The following ONECUT3 variants were observed in gnomAD, a reference collection of about 807,000 sequenced individuals.
ONECUT3 encodes one cut homeobox 3.
ONECUT3 carries 11 observed loss-of-function variants against 16.8 expected under a neutral mutation model. The ratio of observed to expected loss-of-function variants is 0.66; its 90% CI spans 0.41 to 1.09. The LOEUF (loss-of-function observed/expected upper bound fraction) is 1.09. Ranked by LOEUF, ONECUT3 falls within the 50% of genes least tolerant of loss-of-function variation. The pLI, the probability that ONECUT3 is intolerant of heterozygous loss-of-function variation, is 0.00. For synonymous variants in ONECUT3, 344 were observed against 310.7 expected, an observed-to-expected ratio of 1.11 and a Z score of -1.13; for missense variants, 637 against 629.9, an observed-to-expected ratio of 1.01 and a Z score of -0.12.
At chr19:1,771,307 C>G (rs937148124) in intron 1 of ONECUT3, among the ~76,000 whole-genome samples, 1 of 152,160 alleles carries the variant, frequency 6.6e-6, no homozygotes, top group African/African-American at 2.4e-5. Context: ...GAATCCCACA[C>G]CATCCTTTTT....
chr19:1,756,657 A>T (rs1021874304), intron 1 of ONECUT3, among the ~76,000 whole-genome samples: 2 of 149,874 alleles, frequency 1.3e-5, no homozygotes, highest in Non-Finnish European at 3.0e-5. Context: ...AGCCTCCTGA[A>T]TAGCTGGGAT....
At position 1,754,577 on chromosome 19, in the gene ONECUT3, C is replaced by G. The variant is rs1165993728; in HGVS notation, c.915C>G (p.Pro305=). ...AHGPHGGGGG[P]GGSGGGPSAG... ...GGCCGCACGGGGGAGGCGGCGGCCC[C>G]GGCGGGAGCGGCGGCGGCCCCAGCG... The change falls in exon 1 of 2, where the codon CCC becomes CCG. Residue 305 remains proline (P), a synonymous_variant. Coordinates refer to ENST00000382349, the MANE Select transcript of ONECUT3 (RefSeq NM_001080488.2). This position sits in a 1 kb window ranked among gnomAD's most constrained non-coding sequence, Gnocchi z 7.4. 8.3e-7 allele frequency: 1 copy of G among 1,208,218 alleles called. No individual in the cohort carries two copies. Among genetic ancestry groups the G allele is most frequent in the Non-Finnish European group, 1.0e-6 (1 of 965,114 alleles). The allele number at this position is 1,208,218 out of a possible 1,614,324, so 74.8% of individuals were successfully genotyped here.
chr19:1,769,021 A>AG (rs2068026367), intron 1 of ONECUT3, among the ~76,000 whole-genome samples: 1 of 11,654 alleles, frequency 8.6e-5, no homozygotes, highest in Non-Finnish European at 1.6e-4. Flanking sequence ...TGGAGGTGGA[A>AG]GTGGAGGTGG....
chr19:1,780,180 C>G lies in ONECUT3; in HGVS notation c.*4735C>G, dbSNP rs1046482392. 1 of 152,252 alleles carries G rather than the reference C, an allele frequency of 6.6e-6. No homozygotes were observed. Among genetic ancestry groups the G allele is most frequent in the African/African-American group, 2.4e-5 (1 of 41,422 alleles). 9.4% of individuals were successfully genotyped at this position (152,252 alleles called of 1,614,324 possible). A position where few individuals can be genotyped will look rare whatever the true frequency, so the allele number is the denominator to read the frequency against. ...CAGCAGGCACCAGCACCCCCTCCCC[C>G]CCCACCTCCACCCAGACAGCCTCGG... On this transcript the variant is annotated 3_prime_UTR_variant, in exon 2 of 2. Transcript: ENST00000382349.
chr19:1,764,496 C>T lies in ONECUT3; in HGVS notation c.1192+9642C>T, dbSNP rs1052854805. On this transcript the variant is annotated intron_variant, in intron 1 of 1. Transcript: ENST00000382349. This position sits in a 1 kb window ranked among gnomAD's most constrained non-coding sequence, Gnocchi z 5.0. The stretch of plus-strand genomic sequence containing the variant: ...CCTGCTGAGGCCAAGGTGGGCTCCG[C>T]GTGAGATGTGGGCAGGGCAGGCATG... 1.3e-5 allele frequency among the ~76,000 whole-genome samples: 2 copies of T among 151,734 alleles called. No homozygotes were observed. Among genetic ancestry groups the T allele is most frequent in the Non-Finnish European group, 2.9e-5 (2 of 67,956 alleles).
Position 1,753,632 on chromosome 19 carries a change from A to T in ONECUT3, c.-31A>T. 1 of 936,814 alleles carries T rather than the reference A, an allele frequency of 1.1e-6. No homozygotes were observed. The highest frequency in any genetic ancestry group is 1.3e-6 in the Non-Finnish European group (1 of 769,738). The allele number at this position is 936,814 out of a possible 1,614,324, so 58.0% of individuals were successfully genotyped here. On this transcript the variant is annotated 5_prime_UTR_variant, in exon 1 of 2. Transcript: ENST00000382349. ...CCTTGAGCACTAGGGGCCGGCGCTG[A>T]GGAGCGCGCGCGGCGGGAGGGCAGC...
chr19:1,757,676 G>C lies in ONECUT3; in HGVS notation c.1192+2822G>C, dbSNP rs554635052. Among the ~76,000 whole-genome samples the C allele has an allele frequency of 6.6e-5, 10 of 152,360 alleles. No individual in the cohort carries two copies. The South Asian group carries it at 1.2e-3, about 19-fold the overall frequency. ...TACACCACCGGACTCCGCCTGGGGCGTAAGAGGTGGCGGGGGCGAGGGCCG... is the reference window on the plus strand; with the variant it reads ...TACACCACCGGACTCCGCCTGGGGCCTAAGAGGTGGCGGGGGCGAGGGCCG... On this transcript the variant is annotated intron_variant, in intron 1 of 1. Coordinates refer to ENST00000382349, the MANE Select transcript of ONECUT3 (RefSeq NM_001080488.2).
Position 1,759,171 on chromosome 19 carries a change from T to C in ONECUT3, c.1192+4317T>C, listed in dbSNP as rs372806745. Among the ~76,000 whole-genome samples, 2 of 152,136 alleles carry C rather than the reference T, an allele frequency of 1.3e-5. No homozygotes were observed. The highest frequency in any genetic ancestry group is 4.8e-5 in the African/African-American group (2 of 41,422). On this transcript the variant is annotated intron_variant, in intron 1 of 1. Transcript: ENST00000382349. The surrounding 1 kb of genome is among the most constrained non-coding windows in gnomAD (Gnocchi z 4.1). ...AACCAGAGCTGTGTATGGAGTTGCA[T>C]GCTGAGGGCAGCTGGTGCAGGAATT...
chr19:1,768,131 C>T (rs377408848), intron 1 of ONECUT3, among the ~76,000 whole-genome samples: 14 of 152,028 alleles, frequency 9.2e-5, no homozygotes, highest in Non-Finnish European at 1.6e-4. Flanking sequence ...CAAACCCTCA[C>T]TCAATGGGGC....
intron 1 of ONECUT3, among the ~76,000 whole-genome samples, chr19:1,757,135 G>T (rs374342826): frequency 1.5e-3 from 219 of 142,340 alleles, no homozygotes; most frequent in African/African-American, 6.4e-3. Flanking sequence ...AGTCCCATGG[G>T]GGGGGGGTGG....
chr19:1,758,858 C>A lies in ONECUT3; in HGVS notation c.1192+4004C>A, dbSNP rs1600339836. On this transcript the variant is annotated intron_variant, in intron 1 of 1. Coordinates refer to ENST00000382349, the MANE Select transcript of ONECUT3 (RefSeq NM_001080488.2). The surrounding 1 kb of genome is among the most constrained non-coding windows in gnomAD (Gnocchi z 5.9). ...TTCATCACCGTCGCCGGGTCGATAG[C>A]TTCGGCCGTCTTCAAATATTGTTTA... Among the ~76,000 whole-genome samples the A allele has an allele frequency of 6.6e-6, 1 of 152,194 alleles. No individual in the cohort carries two copies. The highest frequency in any genetic ancestry group is 1.5e-5 in the Non-Finnish European group (1 of 68,040).
At position 1,753,843 on chromosome 19, in the gene ONECUT3, G is replaced by T; in HGVS notation, c.181G>T (p.Gly61Cys). ...CCTGCTGGACGGCGGCGGCGGCGGC[G>T]GCGGTGGGGGCGCCGGGGGCGCGGG... The part of the protein sequence containing the change: ...ASLLDGGGGG[G>C]GGGAGGAGGA... The change falls in exon 1 of 2, where the codon GGC becomes TGC. Residue 61 changes from glycine (G) to cysteine (C), a missense_variant. Gly to Cys is a radical substitution (Grantham distance 159). Transcript: ENST00000382349. 2.1e-6 allele frequency: 2 copies of T among 971,122 alleles called. No individual in the cohort carries two copies. Among genetic ancestry groups the T allele is most frequent in the South Asian group, 9.2e-5 (2 of 21,854 alleles). The allele number at this position is 971,122 out of a possible 1,614,324, so 60.2% of individuals were successfully genotyped here.
rs2068101575 is a variant in ONECUT3 at position 1,775,687 on chromosome 19, C to T, written c.*242C>T. 4 of 392,114 alleles carry T rather than the reference C, an allele frequency of 1.0e-5. No homozygotes were observed. The highest frequency in any genetic ancestry group is 4.5e-6 in the Non-Finnish European group (1 of 220,938). 24.3% of individuals were successfully genotyped at this position (392,114 alleles called of 1,614,324 possible). On this transcript the variant is annotated 3_prime_UTR_variant, in exon 2 of 2. Coordinates refer to ENST00000382349, the MANE Select transcript of ONECUT3 (RefSeq NM_001080488.2). ...AGGCCAAAGGAAGCCCTCCACCCCC[C>T]CCCGGAGGGGAGGGAGTGACAGAAA... is the stretch of plus-strand genomic sequence containing the variant.
In ONECUT3 at chr19:1,754,921, G is replaced by T. The variant is rs934570325; in HGVS notation, c.1192+67G>T. On this transcript the variant is annotated intron_variant, in intron 1 of 1. Transcript: ENST00000382349. This position sits in a 1 kb window ranked among gnomAD's most constrained non-coding sequence, Gnocchi z 7.4. ...CTCTGGACTCCCGAGCACCTAGCGG[G>T]GCGGCGGCCGATGCCCGGGGCCAGC... 7.8e-7 allele frequency: 1 copy of T among 1,286,216 alleles called. No homozygotes were observed. The highest frequency in any genetic ancestry group is 1.6e-5 in the African/African-American group (1 of 64,494). 79.7% of individuals were successfully genotyped at this position (1,286,216 alleles called of 1,614,324 possible).
At chr19:1,761,783 G>A (rs1184756328) in intron 1 of ONECUT3, among the ~76,000 whole-genome samples, 1 of 152,216 alleles carries the variant, frequency 6.6e-6, no homozygotes, top group Non-Finnish European at 1.5e-5. Flanking sequence ...GACACCTACG[G>A]CCTCAGTTTT....
chr19:1,754,210 A>C lies in ONECUT3; in HGVS notation c.548A>C (p.His183Pro), dbSNP rs2067904158. 1 of 1,100,588 alleles carries C rather than the reference A, an allele frequency of 9.1e-7. No homozygotes were observed. Among genetic ancestry groups the C allele is most frequent in the Non-Finnish European group, 1.1e-6 (1 of 898,712 alleles). 68.2% of individuals were successfully genotyped at this position (1,100,588 alleles called of 1,614,324 possible). A position where few individuals can be genotyped will look rare whatever the true frequency, so the allele number is the denominator to read the frequency against. ...CGGGCGGCGCTCGCCTCCGTGGGCC[A>C]CCTCTACGGACCCTACGGCAAGGAG... Reference protein sequence around the residue: ...DERAALASVGHLYGPYGKELP... With the variant: ...DERAALASVGPLYGPYGKELP... The change falls in exon 1 of 2, where the codon CAC becomes CCC. Residue 183 changes from histidine (H) to proline (P), a missense_variant. By Grantham distance (77) the His-to-Pro change is moderately conservative. Coordinates refer to ENST00000382349, the MANE Select transcript of ONECUT3 (RefSeq NM_001080488.2). This position sits in a 1 kb window ranked among gnomAD's most constrained non-coding sequence, Gnocchi z 7.4.
intron 1 of ONECUT3, among the ~76,000 whole-genome samples, chr19:1,768,379 G>A (rs2068013139): frequency 6.6e-6 from 1 of 152,290 alleles, no homozygotes; most frequent in East Asian, 1.9e-4. Context: ...CAGACAGAGA[G>A]GCGGCTGGTG....
At position 1,754,927 on chromosome 19, in the gene ONECUT3, G is replaced by A. The variant is rs1036598397; in HGVS notation, c.1192+73G>A. ...ACTCCCGAGCACCTAGCGGGGCGGC[G>A]GCCGATGCCCGGGGCCAGCGCCCCA... On this transcript the variant is annotated intron_variant, in intron 1 of 1. Transcript: ENST00000382349. This position sits in a 1 kb window ranked among gnomAD's most constrained non-coding sequence, Gnocchi z 7.4. The A allele has an allele frequency of 3.9e-6, 5 of 1,284,190 alleles. No individual in the cohort carries two copies. Among genetic ancestry groups the A allele is most frequent in the African/African-American group, 1.6e-5 (1 of 64,308 alleles). 79.5% of individuals were successfully genotyped at this position (1,284,190 alleles called of 1,614,324 possible). A position where few individuals can be genotyped will look rare whatever the true frequency, so the allele number is the denominator to read the frequency against.
At chr19:1,760,261 G>A (rs988618202) in intron 1 of ONECUT3, among the ~76,000 whole-genome samples, 2 of 152,220 alleles carry the variant, frequency 1.3e-5, no homozygotes, top group African/African-American at 2.4e-5. Flanking sequence ...CGTGGCTTTC[G>A]GCTGCTCTGA....
Sources: allele counts gnomAD v4.1 joint callset (sites outside exome capture counted in the v4.1 genomes callset), GRCh38; gene constraint gnomAD v4.1.1; non-coding constraint Gnocchi (gnomAD v3.1); transcripts MANE v1.5; gene names NCBI Gene and HGNC (gene_info 2026-07-23, HGNC 2026-07-21).